NOLC1: variants seen among roughly 807,000 people sequenced by gnomAD.
NOLC1 encodes nucleolar and coiled-body phosphoprotein 1.
A neutral mutation model predicts 73.4 loss-of-function variants in NOLC1; 37 were observed. The observed-to-expected ratio is 0.50, with a 90% confidence interval of 0.39 to 0.66. The LOEUF is 0.66. Among genes scored for constraint, NOLC1 ranks in the 30% least tolerant of loss-of-function variants. The probability of loss-of-function intolerance (pLI) is 0.00; values close to 1 mark genes in which losing one functional copy is unlikely to be tolerated. For missense variants in NOLC1, 921 were observed against 838.9 expected, an observed-to-expected ratio of 1.10 and a Z score of -1.21; for synonymous variants, 327 against 302.6, an observed-to-expected ratio of 1.08 and a Z score of -0.84.
intron 1 of NOLC1, among the ~76,000 whole-genome samples, chr10:102,153,803 G>T (rs1230460726): frequency 6.6e-6 from 1 of 150,884 alleles, no homozygotes; most frequent in African/African-American, 2.4e-5. Flanking sequence ...CTCCCCAGTA[G>T]CTGGGATTAC....
At chr10:102,161,236 A>AC in intron 10 of NOLC1, 143 bp downstream of exon 10, 2 of 832,566 alleles carry the variant, frequency 2.4e-6, no homozygotes, top group Non-Finnish European at 3.6e-6. Flanking sequence ...GAAACTGGTT[A>AC]CCTTTTTTTT....
chr10:102,154,557 C>T (rs1320989469), intron 1 of NOLC1, among the ~76,000 whole-genome samples: 1 of 152,120 alleles, frequency 6.6e-6, no homozygotes, highest in East Asian at 1.9e-4. Flanking sequence ...TCACTGTTGC[C>T]CAGGCGGGAG....
At position 102,160,371 on chromosome 10, in the gene NOLC1, G is replaced by A. The variant is rs553847654; in HGVS notation, c.1099+28G>A. 23 of 1,613,278 alleles carry A rather than the reference G, an allele frequency of 1.4e-5. No individual in the cohort carries two copies. In the East Asian group the frequency reaches 4.9e-4, roughly 34 times the overall value. On this transcript the variant is annotated intron_variant, in intron 9 of 12. Transcript: ENST00000605788. ...AAGGCATATGGAGGCCCTCAGTTCA[G>A]TGAGATGCTCTCAGGCAGCTGCTAA...
At position 102,161,015 on chromosome 10, in the gene NOLC1, C is replaced by T. The variant is rs955213758; in HGVS notation, c.1663C>T (p.Gln555Ter). ...CAATGGCACCTCTGCACTGACTGCC[C>T]AGAATGGAAAAGCAGCTAAGAACAG... ...KANGTSALTA[Q>*]NGKAAKNSEE... Residue 555 changes from glutamine to a stop codon, truncating the protein, a stop_gained, in exon 10 of 13, where the codon CAG becomes TAG. Coordinates refer to ENST00000605788, the MANE Select transcript of NOLC1 (RefSeq NM_004741.5). LOFTEE classifies it high-confidence loss of function. The T allele has an allele frequency of 6.2e-7, 1 of 1,613,724 alleles. No individual in the cohort carries two copies. The highest frequency in any genetic ancestry group is 1.3e-5 in the African/African-American group (1 of 74,822).
chr10:102,157,099 G>T (rs1436382860), intron 2 of NOLC1, 25 bp downstream of exon 2: 1 of 1,613,792 alleles, frequency 6.2e-7, no homozygotes, highest in Admixed American at 1.7e-5. Context: ...TTCCATTTTG[G>T]CTATTTTCTC....
intron 11 of NOLC1, 68 bp from the exon 12 acceptor site, chr10:102,161,765 T>C: frequency 1.3e-6 from 2 of 1,528,596 alleles, no homozygotes; most frequent in East Asian, 4.5e-5. Context: ...CATGTGCCCA[T>C]GTGTATCACT....
chr10:102,161,732 G>A, intron 11 of NOLC1, 70 bp downstream of exon 11: 2 of 1,536,370 alleles, frequency 1.3e-6, no homozygotes, highest in Non-Finnish European at 1.8e-6. Flanking sequence ...CATCTTGACA[G>A]CTCTGCCTGG....
At position 102,160,879 on chromosome 10, in the gene NOLC1, A is replaced by G. The variant is rs1384991639; in HGVS notation, c.1527A>G (p.Ala509=). ...CAGCCCCTTCCAAGCCAGCCTCTGC[A>G]AAGAAAGGAAAGGCTGAGAGCAGCA... ...GGAAPSKPAS[A]KKGKAESSNS... Residue 509 remains alanine, a synonymous_variant, in exon 10 of 13, where the codon GCA becomes GCG. Coordinates refer to ENST00000605788, the MANE Select transcript of NOLC1 (RefSeq NM_004741.5). The G allele has an allele frequency of 6.2e-7, 1 of 1,614,168 alleles. No individual in the cohort carries two copies.
chr10:102,163,741 T>C lies in NOLC1; in HGVS notation c.*1472T>C, dbSNP rs1458671224. 6.6e-6 allele frequency: 1 copy of C among 152,244 alleles called. No homozygotes were observed. The highest frequency in any genetic ancestry group is 1.5e-5 in the Non-Finnish European group (1 of 68,048). The allele number at this position is 152,244 out of a possible 1,614,324, so 9.4% of individuals were successfully genotyped here. ...CCATACTTGCTAAATAACCTGATAA[T>C]AACCTGGTTTTCCATGTAACTGCCT... On this transcript the variant is annotated 3_prime_UTR_variant, in exon 13 of 13. Coordinates refer to ENST00000605788, the MANE Select transcript of NOLC1 (RefSeq NM_004741.5).
chr10:102,159,305 G>A lies in NOLC1; in HGVS notation c.720G>A (p.Lys240=), dbSNP rs779774135. The stretch of plus-strand genomic sequence containing the variant: ...AGGAGAAGGCAGCAGCCACCCCCAA[G>A]AAGGTCTGGACCATAACTTCTGTCA... ...SEEEKAAATP[K]KTVPKKQVVA... The change falls in exon 6 of 13, where the codon AAG becomes AAA. Residue 240 remains lysine (K), a synonymous_variant. Transcript: ENST00000605788. 5.0e-6 allele frequency: 8 copies of A among 1,614,162 alleles called. No homozygotes were observed. In the East Asian group the frequency reaches 1.8e-4, roughly 36 times the overall value.
Position 102,160,891 on chromosome 10 carries a change from G to A in NOLC1, c.1539G>A (p.Lys513=), listed in dbSNP as rs2069695961. ...AGCCAGCCTCTGCAAAGAAAGGAAA[G>A]GCTGAGAGCAGCAACAGTTCTTCTT... ...PSKPASAKKG[K]AESSNSSSSD... is the part of the protein sequence containing the mutation. Residue 513 remains lysine (K), a synonymous_variant, in exon 10 of 13, where the codon AAG becomes AAA. Transcript: ENST00000605788. 6.2e-7 allele frequency: 1 copy of A among 1,614,060 alleles called. No individual in the cohort carries two copies. Among genetic ancestry groups the A allele is most frequent in the Non-Finnish European group, 8.5e-7 (1 of 1,180,032 alleles).
At position 102,162,957 on chromosome 10, in the gene NOLC1, T is replaced by C. The variant is rs1378096212; in HGVS notation, c.*688T>C. On this transcript the variant is annotated 3_prime_UTR_variant, in exon 13 of 13. Coordinates refer to ENST00000605788, the MANE Select transcript of NOLC1 (RefSeq NM_004741.5). ...TGAATGCCATGGGTCATTCTGAATA[T>C]ATTTTTTTCTGTAATTTTATCATTA... 6.6e-6 allele frequency: 1 copy of C among 152,244 alleles called. No individual in the cohort carries two copies. Among genetic ancestry groups the C allele is most frequent in the Non-Finnish European group, 1.5e-5 (1 of 68,042 alleles). The allele number at this position is 152,244 out of a possible 1,614,324, so 9.4% of individuals were successfully genotyped here.
Position 102,161,099 on chromosome 10 carries a change from T to C in NOLC1, c.1741+6T>C. 6.3e-7 allele frequency: 1 copy of C among 1,594,336 alleles called. No homozygotes were observed. Among genetic ancestry groups the C allele is most frequent in the Non-Finnish European group, 8.5e-7 (1 of 1,174,388 alleles). On this transcript the variant is annotated splice_donor_region_variant and intron_variant, in intron 10 of 12. Transcript: ENST00000605788. ...AGTGGTAGTTTCCAAATCAGGTCTGTACCCAATGAACATGCCCTCTGGGTT... is the reference window on the plus strand; with the variant it reads ...AGTGGTAGTTTCCAAATCAGGTCTGCACCCAATGAACATGCCCTCTGGGTT...
chr10:102,153,735 C>T (rs531548376), intron 1 of NOLC1, among the ~76,000 whole-genome samples: 4 of 137,438 alleles, frequency 2.9e-5, no homozygotes, highest in South Asian at 4.5e-4. Context: ...TGCAATGGTG[C>T]GATCTCGGCT....
At chr10:102,157,647 CGGCAATACAATA>C in intron 4 of NOLC1, 92 bp downstream of exon 4, 2 of 1,401,614 alleles carry the variant, frequency 1.4e-6, no homozygotes, top group Non-Finnish European at 9.6e-7. Context: ...GGGGTGATGG[CGGCAATACAATA>C]GGTGATTATG....
In NOLC1 at chr10:102,163,256, AAAAC is replaced by A. The variant is rs569850740; in HGVS notation, c.*992_*995del. On this transcript the variant is annotated 3_prime_UTR_variant, in exon 13 of 13. Coordinates refer to ENST00000605788, the MANE Select transcript of NOLC1 (RefSeq NM_004741.5). Reference sequence around the variant, plus strand: ...ACTGATCAAGAAAGTGGGGGGAAAAAAAACAAACGTTAAAACCTCAATCCTCAGT... The same window carrying A: ...ACTGATCAAGAAAGTGGGGGGAAAAAAAACGTTAAAACCTCAATCCTCAGT... 3.3e-5 allele frequency: 5 copies of A among 151,774 alleles called. No homozygotes were observed. The highest frequency in any genetic ancestry group is 6.6e-5 in the Admixed American group (1 of 15,204). 9.4% of individuals were successfully genotyped at this position (151,774 alleles called of 1,614,324 possible).
Position 102,160,314 on chromosome 10 carries a change from AAGC to A in NOLC1, c.1076_1078del (p.Ala359del), listed in dbSNP as rs779735286. Reference sequence around the variant, plus strand: ...ACCACTAAACCACCTCCAGCAAAGAAAGCAGCAGAGAGCTCTTCAGACAGCTCA... The same window carrying A: ...ACCACTAAACCACCTCCAGCAAAGAAAGCAGAGAGCTCTTCAGACAGCTCA... On this transcript the variant is annotated inframe_deletion, in exon 9 of 13. Coordinates refer to ENST00000605788, the MANE Select transcript of NOLC1 (RefSeq NM_004741.5). 6 of 1,614,094 alleles carry A rather than the reference AAGC, an allele frequency of 3.7e-6. No individual in the cohort carries two copies. The highest frequency in any genetic ancestry group is 1.1e-5 in the South Asian group (1 of 91,088).
intron 2 of NOLC1, 52 bp downstream of exon 2, chr10:102,157,126 G>C (rs575649197): frequency 6.2e-7 from 1 of 1,613,968 alleles, no homozygotes; most frequent in Admixed American, 1.7e-5. Context: ...GATAGGCTGG[G>C]CTGTGTTTCT....
rs144075971 is a variant in NOLC1 at position 102,161,101 on chromosome 10, C to T, written c.1741+8C>T. The T allele has an allele frequency of 1.4e-5, 22 of 1,591,846 alleles. No homozygotes were observed. The African/African-American group carries it at 2.6e-4, about 19-fold the overall frequency. ...TGGTAGTTTCCAAATCAGGTCTGTACCCAATGAACATGCCCTCTGGGTTTT... is the reference window on the plus strand; with the variant it reads ...TGGTAGTTTCCAAATCAGGTCTGTATCCAATGAACATGCCCTCTGGGTTTT... On this transcript the variant is annotated splice_region_variant and intron_variant, in intron 10 of 12. Transcript: ENST00000605788.
Sources: gnomAD v4.1 joint callset for allele counts (sites outside exome capture counted in the v4.1 genomes callset) on GRCh38, gnomAD v4.1.1 for gene constraint, MANE v1.5 for transcripts, NCBI Gene and HGNC (gene_info 2026-07-23, HGNC 2026-07-21) for gene names.